IL17B: variants seen among roughly 807,000 people sequenced by gnomAD.
The protein encoded by IL17B is interleukin 17B, also known as interleukin-17B.
IL17B carries 14 observed loss-of-function variants against 14.7 expected under a neutral mutation model. The observed-to-expected ratio is 0.95, with a 90% CI of 0.63 to 1.49. IL17B has a LOEUF of 1.49. IL17B is among the 40% of genes most tolerant of loss of function. The probability of loss-of-function intolerance (pLI) is 0.00; values close to 1 mark genes in which losing one functional copy is unlikely to be tolerated. For missense variants in IL17B, 233 were observed against 252.8 expected, an observed-to-expected ratio of 0.92 and a Z score of 0.53; for synonymous variants, 105 against 94.8, an observed-to-expected ratio of 1.11 and a Z score of -0.62.
chr5:149,397,415 C>T (rs1202698182), intron 1 of IL17B, among the ~76,000 whole-genome samples: 3 of 152,136 alleles, frequency 2.0e-5, no homozygotes, highest in African/African-American at 7.2e-5. Context: ...GTGATCCACC[C>T]GCCTTGGCCT....
In IL17B at chr5:149,374,777, A is replaced by G; in HGVS notation, c.312-177T>C. On this transcript the variant is annotated intron_variant, in intron 2 of 2. Transcript: ENST00000261796. The surrounding 1 kb of genome is among the most constrained non-coding windows in gnomAD (Gnocchi z 5.0). ...GTTCCACGTGAGGAAACTGAAGATC[A>G]TGGAAGGCAAGTCGAGAGCCCCAAG... The G allele has an allele frequency of 3.5e-6, 2 of 577,684 alleles. No homozygotes were observed. Among genetic ancestry groups the G allele is most frequent in the Non-Finnish European group, 6.1e-6 (2 of 328,342 alleles). The allele number at this position is 577,684 out of a possible 1,614,324, so 35.8% of individuals were successfully genotyped here. A position where few individuals can be genotyped will look rare whatever the true frequency, so the allele number is the denominator to read the frequency against.
chr5:149,374,577 AT>A lies in IL17B; in HGVS notation c.334del (p.Ile112SerfsTer16). On this transcript the variant is annotated frameshift_variant, in exon 3 of 3. Coordinates refer to ENST00000261796, the MANE Select transcript of IL17B (RefSeq NM_014443.3). LOFTEE classifies it high-confidence loss of function. This position sits in a 1 kb window ranked among gnomAD's most constrained non-coding sequence, Gnocchi z 5.0. ...GYSINHDPSR[I>X]PVDLPEARCL... ...CCGTGCCTCCGGCAGGTCCACGGGG[AT>A]ACGGCTGGGGTCGTGGTTGATGCTG... 6.2e-7 allele frequency: 1 copy of A among 1,612,262 alleles called. No individual in the cohort carries two copies. Among genetic ancestry groups the A allele is most frequent in the Non-Finnish European group, 8.5e-7 (1 of 1,179,164 alleles).
intron 1 of IL17B, among the ~76,000 whole-genome samples, chr5:149,400,449 C>T (rs140602896): frequency 3.3e-5 from 5 of 152,138 alleles, no homozygotes; most frequent in African/African-American, 4.8e-5. Flanking sequence ...TTTAAGCCAC[C>T]CTGTCTGGAT....
chr5:149,389,841 C>T (rs1208222016), intron 1 of IL17B, among the ~76,000 whole-genome samples: 3 of 152,206 alleles, frequency 2.0e-5, no homozygotes, highest in Non-Finnish European at 4.4e-5. Context: ...AACCTGGCTT[C>T]TAATTATAGG....
chr5:149,374,664 A>C lies in IL17B; in HGVS notation c.312-64T>G. 8.0e-7 allele frequency: 1 copy of C among 1,246,346 alleles called. No homozygotes were observed. The highest frequency in any genetic ancestry group is 1.1e-6 in the Non-Finnish European group (1 of 876,504). The allele number at this position is 1,246,346 out of a possible 1,614,324, so 77.2% of individuals were successfully genotyped here. The stretch of plus-strand genomic sequence containing the variant: ...CAGGAAAGGGCCAGTCAGCACCCAT[A>C]CTCCACACCCCTGCCTTTCCTAATC... On this transcript the variant is annotated intron_variant, in intron 2 of 2. Transcript: ENST00000261796. This position sits in a 1 kb window ranked among gnomAD's most constrained non-coding sequence, Gnocchi z 5.0.
chr5:149,401,908 C>T (rs965433642), intron 1 of IL17B, among the ~76,000 whole-genome samples: 2 of 152,170 alleles, frequency 1.3e-5, no homozygotes, highest in African/African-American at 4.8e-5. Context: ...TTTTGTTGAA[C>T]GTTCTTTCAC....
intron 1 of IL17B, among the ~76,000 whole-genome samples, chr5:149,397,435 G>A (rs1325073735): frequency 6.6e-6 from 1 of 152,112 alleles, no homozygotes; most frequent in African/African-American, 2.4e-5. Flanking sequence ...TCCCAAAATG[G>A]TAGGATTATA....
chr5:149,378,998 G>A (rs887818502), intron 1 of IL17B, among the ~76,000 whole-genome samples: 32 of 152,174 alleles, frequency 2.1e-4, no homozygotes, highest in Admixed American at 2.0e-3. Context: ...AGTGTGCCCC[G>A]GCTGAGCCCC....
At chr5:149,402,590 T>C (rs1263888141) in intron 1 of IL17B, among the ~76,000 whole-genome samples, 1 of 151,462 alleles carries the variant, frequency 6.6e-6, no homozygotes, top group African/African-American at 2.4e-5. Context: ...GCAGGGCGCC[T>C]TGCTACTCTC....
At chr5:149,401,952 A>G (rs891146604) in intron 1 of IL17B, among the ~76,000 whole-genome samples, 7 of 152,170 alleles carry the variant, frequency 4.6e-5, no homozygotes, top group African/African-American at 1.7e-4. Context: ...GCACGGTCAC[A>G]TGTGTTACCC....
intron 1 of IL17B, among the ~76,000 whole-genome samples, chr5:149,385,705 G>A (rs944952678): frequency 1.3e-5 from 2 of 152,246 alleles, no homozygotes; most frequent in South Asian, 2.1e-4. Flanking sequence ...TTTACAGGAC[G>A]TCTGGATTCA....
At chr5:149,400,593 TCCCCC>T (rs2127623329) in intron 1 of IL17B, among the ~76,000 whole-genome samples, 1 of 151,662 alleles carries the variant, frequency 6.6e-6, no homozygotes, top group East Asian at 1.9e-4. Context: ...ACAGTGGAGC[TCCCCC>T]TCCAGAGTCC....
At chr5:149,399,518 A>T (rs1374865417) in intron 1 of IL17B, among the ~76,000 whole-genome samples, 3 of 152,214 alleles carry the variant, frequency 2.0e-5, no homozygotes, top group Non-Finnish European at 4.4e-5. Flanking sequence ...GAAATAATAA[A>T]GAAACAAATT....
At chr5:149,402,323 C>A (rs1759221656) in intron 1 of IL17B, among the ~76,000 whole-genome samples, 1 of 152,194 alleles carries the variant, frequency 6.6e-6, no homozygotes, top group African/African-American at 2.4e-5. Context: ...AGCCAACCAC[C>A]CAGGGCCCTT....
In IL17B at chr5:149,384,943, C is replaced by T. The variant is rs192911581; in HGVS notation, n.96-7918G>A. 5.0e-4 allele frequency among the ~76,000 whole-genome samples: 74 copies of T among 147,252 alleles called. 1 individual carries two copies. The East Asian group carries it at 0.013, about 26-fold the overall frequency. On this transcript the variant is annotated intron_variant and non_coding_transcript_variant, in intron 1 of 2. Coordinates refer to the IL17B transcript ENST00000505432. ...TTTTTTTTTGAGATGGAGTCTCGCT[C>T]TGTAGCCCAGGCTGGAGTGCAGTGG...
chr5:149,393,986 T>C (rs941409508), intron 1 of IL17B, among the ~76,000 whole-genome samples: 2 of 152,184 alleles, frequency 1.3e-5, no homozygotes, highest in African/African-American at 4.8e-5. Context: ...GAAAATAGAA[T>C]TCTGAAAAAA....
rs753028190 is a variant in IL17B at position 149,376,703 on chromosome 5, C to G, written c.311+33G>C. The G allele has an allele frequency of 6.4e-6, 10 of 1,572,110 alleles. No individual in the cohort carries two copies. The East Asian group carries it at 9.0e-5, about 14-fold the overall frequency. ...GGGGCACAGGAAAGGTCCCCACCCC[C>G]CAAAGACAGCTTGCCACCACTGCCC... On this transcript the variant is annotated intron_variant, in intron 2 of 2. Transcript: ENST00000261796.
Position 149,376,737 on chromosome 5 carries a change from T to C in IL17B, c.310A>G (p.Ser104Gly). The C allele has an allele frequency of 2.5e-6, 4 of 1,603,056 alleles. No individual in the cohort carries two copies. Among genetic ancestry groups the C allele is most frequent in the South Asian group, 1.1e-5 (1 of 88,942 alleles). The change falls in exon 2 of 3, where the codon AGC becomes GGC. Residue 104 changes from serine to glycine, a missense_variant and splice_region_variant. Physicochemically the swap from Ser to Gly is moderately conservative, Grantham distance 56. Coordinates refer to ENST00000261796, the MANE Select transcript of IL17B (RefSeq NM_014443.3). ...NKRSLSPWGY[S>G]INHDPSRIPV... ...GCTTGCCACCACTGCCCAGCCTACC[T>C]GTAGCCCCAGGGAGACAGGCTCCTC...
At chr5:149,385,825 A>G (rs1414077126) in intron 1 of IL17B, among the ~76,000 whole-genome samples, 1 of 152,236 alleles carries the variant, frequency 6.6e-6, no homozygotes. Flanking sequence ...CAGCAGAAGC[A>G]GGAAACGGGT....
Sources: allele counts gnomAD v4.1 joint callset (sites outside exome capture counted in the v4.1 genomes callset), GRCh38; gene constraint gnomAD v4.1.1; non-coding constraint Gnocchi (gnomAD v3.1); transcripts MANE v1.5; gene names NCBI Gene and HGNC (gene_info 2026-07-23, HGNC 2026-07-21).